Variants in DDX10 observed in about 807,000 individuals in gnomAD.
DDX10 encodes the protein DEAD-box helicase 10.
In DDX10, 74 loss-of-function variants were observed where a neutral mutation model predicts 104.3. The observed-to-expected ratio is 0.71, with a 90% CI of 0.59 to 0.86. The LOEUF is 0.86. DDX10 is among the 40% of genes least tolerant of loss of function. The pLI, the probability that DDX10 is intolerant of heterozygous loss-of-function variation, is 0.00. For missense variants in DDX10, 952 were observed against 1,040.0 expected, an observed-to-expected ratio of 0.92 and a Z score of 1.16; for synonymous variants, 351 against 353.4, an observed-to-expected ratio of 0.99 and a Z score of 0.08.
chr11:108,894,852 G>C lies in DDX10; in HGVS notation c.2305-23021G>C, dbSNP rs544937162. 1.2e-3 allele frequency among the ~76,000 whole-genome samples: 182 copies of C among 152,032 alleles called. 2 individuals carry two copies. Among genetic ancestry groups the C allele is most frequent in the African/African-American group, 4.2e-3 (176 of 41,538 alleles). ...ATAACTCATTCTCATTTTTGAAGAG[G>C]AAAAACGTCCTTTACTACTGGAAAG... is the stretch of plus-strand genomic sequence containing the variant. On this transcript the variant is annotated intron_variant, in intron 16 of 17. Coordinates refer to ENST00000322536, the MANE Select transcript of DDX10 (RefSeq NM_004398.4).
intron 13 of DDX10, among the ~76,000 whole-genome samples, chr11:108,825,184 G>A (rs1862379482): frequency 6.6e-6 from 1 of 152,088 alleles, no homozygotes; most frequent in Non-Finnish European, 1.5e-5. Context: ...AGAAACTTAT[G>A]TTAATTCTAA....
At chr11:108,731,610 T>G in intron 13 of DDX10, among the ~76,000 whole-genome samples, 1 of 151,284 alleles carries the variant, frequency 6.6e-6, no homozygotes, top group Non-Finnish European at 1.5e-5. Flanking sequence ...CCTTATGGGC[T>G]GAAGTGATCT....
chr11:108,787,568 T>G (rs1432315287), intron 13 of DDX10, among the ~76,000 whole-genome samples: 1 of 152,078 alleles, frequency 6.6e-6, no homozygotes, highest in Non-Finnish European at 1.5e-5. Flanking sequence ...TTTGTCTGGG[T>G]TGATTTGAGA....
intron 13 of DDX10, among the ~76,000 whole-genome samples, chr11:108,729,578 A>G (rs2094309541): frequency 6.6e-6 from 1 of 150,712 alleles, no homozygotes; most frequent in Non-Finnish European, 1.5e-5. Flanking sequence ...AAATTGTTGC[A>G]GGCCTTTTTT....
chr11:108,938,307 T>C (rs1042550740), intron 17 of DDX10, among the ~76,000 whole-genome samples: 1 of 152,238 alleles, frequency 6.6e-6, no homozygotes, highest in African/African-American at 2.4e-5. Flanking sequence ...CTGCCTATTG[T>C]GAAAATACTT....
intron 16 of DDX10, among the ~76,000 whole-genome samples, chr11:108,895,890 C>A (rs1341957915): frequency 6.6e-6 from 1 of 152,056 alleles, no homozygotes; most frequent in Non-Finnish European, 1.5e-5. Flanking sequence ...AAATTGTTTT[C>A]TTCCTTTGTG....
chr11:108,886,589 G>A (rs537021768), intron 16 of DDX10, among the ~76,000 whole-genome samples: 6 of 152,246 alleles, frequency 3.9e-5, no homozygotes, highest in Non-Finnish European at 8.8e-5. Context: ...TTTGAATGCT[G>A]CCTGTATCAT....
At chr11:108,686,537 G>C (rs534270324) in intron 6 of DDX10, among the ~76,000 whole-genome samples, 6 of 152,128 alleles carry the variant, frequency 3.9e-5, no homozygotes, top group Admixed American at 1.3e-4. Flanking sequence ...ACGCATTTAA[G>C]ATTGCTCCAT....
Position 108,754,614 on chromosome 11 carries a change from A to T in DDX10, c.1965+31152A>T, listed in dbSNP as rs375700571. ...AGTGATTAAAAGCACTTGGAAATGA[A>T]ATAGATGAGTAAGGGTCAAAACTAG... On this transcript the variant is annotated intron_variant, in intron 13 of 17. Transcript: ENST00000322536. Among the ~76,000 whole-genome samples the T allele has an allele frequency of 9.2e-5, 14 of 152,184 alleles. No individual in the cohort carries two copies. In the South Asian group the frequency reaches 2.9e-3, roughly 32 times the overall value.
At chr11:108,692,390 G>T (rs1349464963) in intron 8 of DDX10, among the ~76,000 whole-genome samples, 2 of 152,164 alleles carry the variant, frequency 1.3e-5, no homozygotes, top group Non-Finnish European at 2.9e-5. Context: ...AGAAAAATCA[G>T]TGAAGTCCAT....
chr11:108,933,745 C>T (rs1333640201), intron 17 of DDX10, among the ~76,000 whole-genome samples: 1 of 152,136 alleles, frequency 6.6e-6, no homozygotes, highest in Non-Finnish European at 1.5e-5. Context: ...ATTTAAATGT[C>T]TACTTACATA....
intron 7 of DDX10, among the ~76,000 whole-genome samples, chr11:108,689,856 C>A (rs1388513854): frequency 6.6e-6 from 1 of 152,154 alleles, no homozygotes; most frequent in Non-Finnish European, 1.5e-5. Flanking sequence ...GGGTTTCTCT[C>A]TAGCTTATGG....
chr11:108,846,373 C>T (rs914655167), intron 15 of DDX10, among the ~76,000 whole-genome samples: 1 of 151,844 alleles, frequency 6.6e-6, no homozygotes, highest in African/African-American at 2.4e-5. Context: ...TTCCTCCTGT[C>T]TGATGGAAAC....
chr11:108,842,646 G>A (rs570335787), intron 15 of DDX10, among the ~76,000 whole-genome samples: 1 of 152,218 alleles, frequency 6.6e-6, no homozygotes, highest in Non-Finnish European at 1.5e-5. Context: ...AACCTGAAAC[G>A]TACTGGTTGT....
intron 13 of DDX10, among the ~76,000 whole-genome samples, chr11:108,832,226 A>G (rs1862482851): frequency 6.6e-6 from 1 of 152,170 alleles, no homozygotes; most frequent in Non-Finnish European, 1.5e-5. Flanking sequence ...AAAATTCTAA[A>G]AAAGTAAAAT....
intron 13 of DDX10, among the ~76,000 whole-genome samples, chr11:108,770,510 AC>A (rs1241810535): frequency 1.5e-5 from 1 of 67,276 alleles, no homozygotes; most frequent in Non-Finnish European, 3.0e-5. Flanking sequence ...CCCTGCACCA[AC>A]CCCCACTACC....
intron 13 of DDX10, among the ~76,000 whole-genome samples, chr11:108,820,962 C>G (rs1220437768): frequency 1.3e-5 from 2 of 152,162 alleles, no homozygotes; most frequent in Non-Finnish European, 1.5e-5. Context: ...GAGTGTTACT[C>G]TCAAAGAAAA....
intron 13 of DDX10, among the ~76,000 whole-genome samples, chr11:108,753,141 T>C (rs2134507375): frequency 1.7e-5 from 2 of 117,928 alleles, no homozygotes; most frequent in East Asian, 7.1e-4. Flanking sequence ...GCAAACCAAA[T>C]GTGTGTTTAA....
intron 13 of DDX10, among the ~76,000 whole-genome samples, chr11:108,835,584 A>T (rs1862543930): frequency 6.6e-6 from 1 of 152,268 alleles, no homozygotes; most frequent in Admixed American, 6.5e-5. Context: ...CAGCGAAAGC[A>T]ATAATTTATT....
Sources: gnomAD v4.1 joint callset for allele counts (sites outside exome capture counted in the v4.1 genomes callset) on GRCh38, gnomAD v4.1.1 for gene constraint, MANE v1.5 for transcripts, NCBI Gene and HGNC (gene_info 2026-07-23, HGNC 2026-07-21) for gene names.